The following PUS7L variants were observed in gnomAD, a reference collection of about 807,000 sequenced individuals.
PUS7L encodes the protein pseudouridine synthase 7 like.
Under a neutral mutation model 51.1 loss-of-function variants are expected in PUS7L, and 49 were observed. The observed-to-expected ratio is 0.96, with a 90% CI of 0.76 to 1.22. The LOEUF is 1.22. PUS7L is among the 50% of genes most tolerant of loss of function. The pLI is 0.00. For synonymous variants in PUS7L, 277 were observed against 276.2 expected, an observed-to-expected ratio of 1.00 and a Z score of -0.03; for missense variants, 828 against 820.6, an observed-to-expected ratio of 1.01 and a Z score of -0.11.
chr12:43,742,667 C>T, intron 4 of PUS7L, 112 bp from the exon 5 acceptor site: 1 of 1,394,542 alleles, frequency 7.2e-7, no homozygotes, highest in Non-Finnish European at 9.3e-7. Context: ...ACTCTGTAAT[C>T]AGCAGTATAC....
chr12:43,758,345 A>G, intron 1 of PUS7L: 1 of 985,548 alleles, frequency 1.0e-6, no homozygotes, highest in Non-Finnish European at 1.2e-6. Context: ...ATTCCCATTC[A>G]ACAGAGACTG....
Position 43,754,651 on chromosome 12 carries a change from G to GT in PUS7L, c.594dup (p.Pro199ThrfsTer4). 2 of 1,613,696 alleles carry GT rather than the reference G, an allele frequency of 1.2e-6. No homozygotes were observed. Among genetic ancestry groups the GT allele is most frequent in the Non-Finnish European group, 1.7e-6 (2 of 1,179,806 alleles). ...CAAAGTTCTTTATATTCAAGATTTG[G>GT]TTTTACAACAATTTCACTGTTTTTT... is the stretch of plus-strand genomic sequence containing the variant. On this transcript the variant is annotated frameshift_variant, in exon 2 of 9. Transcript: ENST00000344862. LOFTEE classifies it high-confidence loss of function.
chr12:43,757,161 G>C (rs1328315525), intron 1 of PUS7L, among the ~76,000 whole-genome samples: 1 of 152,042 alleles, frequency 6.6e-6, no homozygotes, highest in East Asian at 1.9e-4. Context: ...TAATCTACAG[G>C]AACCTGCAAG....
In PUS7L at chr12:43,726,080, T is replaced by A. The variant is rs1944451343; in HGVS notation, c.*4296A>T. 6.6e-6 allele frequency: 1 copy of A among 152,128 alleles called. No homozygotes were observed. Among genetic ancestry groups the A allele is most frequent in the African/African-American group, 2.4e-5 (1 of 41,430 alleles). 9.4% of individuals were successfully genotyped at this position (152,128 alleles called of 1,614,324 possible). A position where few individuals can be genotyped will look rare whatever the true frequency, so the allele number is the denominator to read the frequency against. ...CTGCTAGCTCAGCGTCAAACAACCT[T>A]GGCAATTAAAACTAATTCAAATATA... is the stretch of plus-strand genomic sequence containing the variant. On this transcript the variant is annotated 3_prime_UTR_variant, in exon 9 of 9. Coordinates refer to ENST00000344862, the MANE Select transcript of PUS7L (RefSeq NM_031292.5).
intron 7 of PUS7L, among the ~76,000 whole-genome samples, chr12:43,733,780 C>G (rs529192067): frequency 6.7e-6 from 1 of 148,614 alleles, no homozygotes; most frequent in South Asian, 2.1e-4. Flanking sequence ...TATCTCTTCT[C>G]CCCCACATGA....
rs1435309554 is a variant in PUS7L, at chr12:43,736,598, T to C, written c.1508A>G (p.Glu503Gly). 1 of 1,614,054 alleles carries C rather than the reference T, an allele frequency of 6.2e-7. No homozygotes were observed. The highest frequency in any genetic ancestry group is 1.1e-5 in the South Asian group (1 of 91,080). Residue 503 changes from glutamate to glycine, a missense_variant, in exon 7 of 9, where the codon GAG becomes GGG. Transcript: ENST00000344862. ...EFKVRERALL[E>G]ALHRFGMTEE... Reference sequence around the variant, plus strand: ...GGTCATGCCAAAGCGGTGCAATGCCTCCAACAATGCTCTCTCACGCACTTT... The same window carrying C: ...GGTCATGCCAAAGCGGTGCAATGCCCCCAACAATGCTCTCTCACGCACTTT...
In PUS7L at chr12:43,755,086, T is replaced by A. The variant is rs370773456; in HGVS notation, c.160A>T (p.Ile54Phe). 5.0e-6 allele frequency: 8 copies of A among 1,613,620 alleles called. No homozygotes were observed. The African/African-American group carries it at 1.1e-4, about 22-fold the overall frequency. Residue 54 changes from isoleucine (I) to phenylalanine (F), a missense_variant, in exon 2 of 9, where the codon ATT becomes TTT. Physicochemically the swap from Ile to Phe is conservative, Grantham distance 21. Transcript: ENST00000344862. Reference protein sequence around the residue: ...QLVNKTIDEPIFKISEIQLEP... With the variant: ...QLVNKTIDEPFFKISEIQLEP... ...AGTTGTATTTCACTAATCTTGAAAA[T>A]AGGCTCATCGATGGTCTTATTAACT...
intron 2 of PUS7L, among the ~76,000 whole-genome samples, chr12:43,749,765 C>G (rs142816571): frequency 3.0e-4 from 46 of 152,282 alleles, no homozygotes; most frequent in African/African-American, 1.0e-3. Context: ...CAGCTAAAGG[C>G]CGTTATCCTA....
At chr12:43,743,391 T>C (rs1259460665) in intron 4 of PUS7L, among the ~76,000 whole-genome samples, 1 of 152,222 alleles carries the variant, frequency 6.6e-6, no homozygotes, top group African/African-American at 2.4e-5. Flanking sequence ...ACTCAAGAAC[T>C]TTTTAATAAA....
intron 7 of PUS7L, among the ~76,000 whole-genome samples, chr12:43,732,788 T>C (rs1230040655): frequency 6.6e-6 from 1 of 152,204 alleles, no homozygotes; most frequent in Non-Finnish European, 1.5e-5. Context: ...TTTTTGTTTT[T>C]AATTTAGGGT....
chr12:43,721,234 C>T lies in PUS7L; in HGVS notation c.*9142G>A, dbSNP rs760332911. On this transcript the variant is annotated 3_prime_UTR_variant, in exon 9 of 9. Coordinates refer to ENST00000344862, the MANE Select transcript of PUS7L (RefSeq NM_031292.5). ...TAAAACCAAAAAGGGCCAGGTTAGA[C>T]TCTCTTTACAATCTAGAGGAAGCTA... 1 of 152,180 alleles carries T rather than the reference C, an allele frequency of 6.6e-6. No homozygotes were observed. The highest frequency in any genetic ancestry group is 1.5e-5 in the Non-Finnish European group (1 of 68,024). The allele number at this position is 152,180 out of a possible 1,614,324, so 9.4% of individuals were successfully genotyped here. A position where few individuals can be genotyped will look rare whatever the true frequency, so the allele number is the denominator to read the frequency against.
In PUS7L at chr12:43,723,198, A is replaced by C. The variant is rs1944417406; in HGVS notation, c.*7178T>G. ...TGGCCTATGTACACAGGCAGAGTAA[A>C]TTAACTCCTGCCTCAAAGTTGCTGA... On this transcript the variant is annotated 3_prime_UTR_variant, in exon 9 of 9. Coordinates refer to ENST00000344862, the MANE Select transcript of PUS7L (RefSeq NM_031292.5). The C allele has an allele frequency of 6.6e-6, 1 of 152,138 alleles. No individual in the cohort carries two copies. The highest frequency in any genetic ancestry group is 2.4e-5 in the African/African-American group (1 of 41,456). The allele number at this position is 152,138 out of a possible 1,614,324, so 9.4% of individuals were successfully genotyped here.
Position 43,742,708 on chromosome 12 carries a change from GTAAAT to G in PUS7L, c.1264-158_1264-154del. 3.3e-6 allele frequency: 3 copies of G among 920,208 alleles called. No individual in the cohort carries two copies. In the South Asian group the frequency reaches 1.5e-4, roughly 46 times the overall value. The allele number at this position is 920,208 out of a possible 1,614,324, so 57.0% of individuals were successfully genotyped here. A position where few individuals can be genotyped will look rare whatever the true frequency, so the allele number is the denominator to read the frequency against. On this transcript the variant is annotated intron_variant, in intron 4 of 8. Transcript: ENST00000344862. Reference sequence around the variant, plus strand: ...GGGACCAAATGGTCTGAAAAATGCTGTAAATTAAAGAAAAGGAAAGAAAACACAGA... The same window carrying G: ...GGGACCAAATGGTCTGAAAAATGCTGTAAAGAAAAGGAAAGAAAACACAGA...
chr12:43,742,106 G>T (rs1042545319), intron 5 of PUS7L, among the ~76,000 whole-genome samples: 3 of 152,066 alleles, frequency 2.0e-5, no homozygotes, highest in African/African-American at 7.2e-5. Flanking sequence ...TTAGTCTCTG[G>T]ACTTATGTGG....
At chr12:43,731,626 G>A (rs1262719645) in intron 8 of PUS7L, 79 bp downstream of exon 8, 1 of 669,944 alleles carries the variant, frequency 1.5e-6, no homozygotes, top group African/African-American at 1.9e-5. Flanking sequence ...AAAGAGGAGG[G>A]GAACTAGTTA....
In PUS7L at chr12:43,730,493, G is replaced by T; in HGVS notation, c.1989C>A (p.Val663=). 6.2e-7 allele frequency: 1 copy of T among 1,613,790 alleles called. No individual in the cohort carries two copies. Among genetic ancestry groups the T allele is most frequent in the South Asian group, 1.1e-5 (1 of 91,072 alleles). The change falls in exon 9 of 9, where the codon GTC becomes GTA. Residue 663 remains valine (V), a synonymous_variant. Transcript: ENST00000344862. ...CATCAATGTGGGAACCTTTCGTTTT[G>T]ACATCAATGTCATGATCTTCCATTA... is the stretch of plus-strand genomic sequence containing the variant. ...YQLMEDHDID[V]KTKGSHIDET... is the part of the protein sequence containing the mutation.
chr12:43,730,265 TAA>T lies in PUS7L; in HGVS notation c.*109_*110del, dbSNP rs779290077. The T allele has an allele frequency of 1.5e-5, 11 of 723,476 alleles. No individual in the cohort carries two copies. Among genetic ancestry groups the T allele is most frequent in the Non-Finnish European group, 2.5e-5 (11 of 441,798 alleles). 44.8% of individuals were successfully genotyped at this position (723,476 alleles called of 1,614,324 possible). On this transcript the variant is annotated 3_prime_UTR_variant, in exon 9 of 9. Transcript: ENST00000344862. Reference sequence around the variant, plus strand: ...TAACTTCTCAGGATGCTGTGAAAATTAAAAGAGATAACAATTATGAAGTTCCT... The same window carrying T: ...TAACTTCTCAGGATGCTGTGAAAATTAAGAGATAACAATTATGAAGTTCCT...
At chr12:43,743,938 A>C (rs578175147) in intron 4 of PUS7L, among the ~76,000 whole-genome samples, 5 of 152,196 alleles carry the variant, frequency 3.3e-5, no homozygotes, top group African/African-American at 1.2e-4. Flanking sequence ...TATAACAGAG[A>C]TATAACCCCT....
intron 7 of PUS7L, among the ~76,000 whole-genome samples, chr12:43,732,906 A>G (rs988938298): frequency 1.3e-5 from 2 of 152,218 alleles, no homozygotes; most frequent in Non-Finnish European, 2.9e-5. Flanking sequence ...GACTACATGG[A>G]ATTATGATCT....
Sources: allele counts gnomAD v4.1 joint callset (sites outside exome capture counted in the v4.1 genomes callset), GRCh38; gene constraint gnomAD v4.1.1; transcripts MANE v1.5; gene names NCBI Gene and HGNC (gene_info 2026-07-23, HGNC 2026-07-21).